The following KIF27 variants were observed in gnomAD, a reference collection of about 807,000 sequenced individuals.
The protein encoded by KIF27 is kinesin family member 27.
In KIF27, 84 loss-of-function variants were observed where a neutral mutation model predicts 141.8. That is an observed-to-expected ratio of 0.59 (90% CI 0.50 to 0.71). KIF27 has a LOEUF of 0.71. KIF27 is among the 30% of genes least tolerant of loss of function. The probability of loss-of-function intolerance (pLI) is 0.00; values close to 1 mark genes in which losing one functional copy is unlikely to be tolerated. For missense variants in KIF27, 1,306 were observed against 1,628.4 expected, an observed-to-expected ratio of 0.80 and a Z score of 3.41; for synonymous variants, 471 against 569.5, an observed-to-expected ratio of 0.83 and a Z score of 2.46.
chr9:83,910,920 A>G (rs1239068633), intron 2 of KIF27, among the ~76,000 whole-genome samples: 1 of 152,004 alleles, frequency 6.6e-6, no homozygotes, highest in Non-Finnish European at 1.5e-5. Context: ...AATGTCCATC[A>G]AAAGAAGAAT....
At chr9:83,851,519 G>GA (rs938487668) in intron 15 of KIF27, among the ~76,000 whole-genome samples, 1 of 152,102 alleles carries the variant, frequency 6.6e-6, no homozygotes, top group African/African-American at 2.4e-5. Flanking sequence ...GCCTGGCTAA[G>GA]TTTTTTAAAA....
chr9:83,909,608 T>C (rs1443309041), intron 2 of KIF27, among the ~76,000 whole-genome samples: 1 of 126,548 alleles, frequency 7.9e-6, no homozygotes, highest in Non-Finnish European at 1.6e-5. Context: ...AGGGAAACTG[T>C]CTCAAAAAAA....
chr9:83,891,072 G>A (rs2483200), intron 6 of KIF27, among the ~76,000 whole-genome samples: 2 of 152,098 alleles, frequency 1.3e-5, no homozygotes, highest in African/African-American at 2.4e-5. Context: ...GAAGAAGTAT[G>A]GACATTATCT....
chr9:83,852,946 A>G (rs1272320117), intron 15 of KIF27, among the ~76,000 whole-genome samples: 1 of 152,162 alleles, frequency 6.6e-6, no homozygotes, highest in African/African-American at 2.4e-5. Context: ...ATTTTTCATT[A>G]ATTGTCTGAT....
chr9:83,903,477 T>C lies in KIF27; in HGVS notation c.1041A>G (p.Val347=). The part of the protein sequence containing the change: ...RARNIRNKPT[V]NFSPESDRID... The stretch of plus-strand genomic sequence containing the variant: ...TACGGTCTGACTCGGGGCTGAAGTT[T>C]ACAGTGGGTTTGTTTCTAATGTTCC... Residue 347 remains valine (V), a synonymous_variant, in exon 4 of 18, where the codon GTA becomes GTG. Transcript: ENST00000297814. The C allele has an allele frequency of 6.2e-7, 1 of 1,614,180 alleles. No homozygotes were observed.
chr9:83,912,818 G>A (rs1003257497), intron 2 of KIF27, among the ~76,000 whole-genome samples: 25 of 151,960 alleles, frequency 1.6e-4, no homozygotes, highest in Non-Finnish European at 2.6e-4. Context: ...TAATTCCAAC[G>A]TTCTGAAAAG....
chr9:83,867,664 T>C lies in KIF27; in HGVS notation c.2934+20A>G, dbSNP rs775460692. On this transcript the variant is annotated intron_variant, in intron 13 of 17. Coordinates refer to ENST00000297814, the MANE Select transcript of KIF27 (RefSeq NM_017576.4). The stretch of plus-strand genomic sequence containing the variant: ...GGAGTGGTTTACAACCAGAATCAAG[T>C]AGTGTATTAAACAGAATACCTGACT... 2 of 1,576,184 alleles carry C rather than the reference T, an allele frequency of 1.3e-6. No homozygotes were observed. The highest frequency in any genetic ancestry group is 3.9e-5 in the Admixed American group (2 of 51,744).
Position 83,883,748 on chromosome 9 carries a change from A to G in KIF27, c.2445+65T>C, listed in dbSNP as rs927325188. ...CTGAATCCCACTTCTTTCCTAACTCAGTACAAGAATCCTCAGAAGCAAGAA... is the reference window on the plus strand; with the variant it reads ...CTGAATCCCACTTCTTTCCTAACTCGGTACAAGAATCCTCAGAAGCAAGAA... On this transcript the variant is annotated intron_variant, in intron 10 of 17. Coordinates refer to ENST00000297814, the MANE Select transcript of KIF27 (RefSeq NM_017576.4). The G allele has an allele frequency of 1.4e-5, 15 of 1,092,728 alleles. No individual in the cohort carries two copies. In the African/African-American group the frequency reaches 2.2e-4, roughly 16 times the overall value. The allele number at this position is 1,092,728 out of a possible 1,614,324, so 67.7% of individuals were successfully genotyped here.
At chr9:83,906,452 A>G (rs2132635931) in intron 3 of KIF27, among the ~76,000 whole-genome samples, 1 of 152,194 alleles carries the variant, frequency 6.6e-6, no homozygotes, top group East Asian at 1.9e-4. Flanking sequence ...GAAGACATCC[A>G]AGAATAGGCC....
rs568981287 is a variant in KIF27 at position 83,902,558 on chromosome 9, T to G, written c.1458+502A>C. On this transcript the variant is annotated intron_variant, in intron 4 of 17. Coordinates refer to ENST00000297814, the MANE Select transcript of KIF27 (RefSeq NM_017576.4). ...ATTAATAAATATGCTAATTTGTTGG[T>G]TTTTTTTAAAACCTATACTCCAAAC... Among the ~76,000 whole-genome samples the G allele has an allele frequency of 4.3e-4, 65 of 152,186 alleles. 1 individual carries two copies. The South Asian group carries it at 8.1e-3, about 19-fold the overall frequency.
At chr9:83,921,302 A>C (rs1013716226) in intron 1 of KIF27, 69 bp downstream of exon 1, 2 of 137,476 alleles carry the variant, frequency 1.5e-5, no homozygotes, top group Admixed American at 7.2e-5. Flanking sequence ...GGCGGGCTGG[A>C]GGGCGGGCAC....
chr9:83,901,383 T>G lies in KIF27; in HGVS notation c.1459-1579A>C, dbSNP rs1165177821. Among the ~76,000 whole-genome samples the G allele has an allele frequency of 5.3e-5, 8 of 152,292 alleles. No homozygotes were observed. The East Asian group carries it at 1.5e-3, about 29-fold the overall frequency. ...TAATAGGAAAGAAGAACATCCACAA[T>G]TATCTGAAAAAATCAGTGAAATACT... On this transcript the variant is annotated intron_variant, in intron 4 of 17. Transcript: ENST00000297814.
chr9:83,895,838 A>G (rs1953163540), intron 5 of KIF27, among the ~76,000 whole-genome samples: 1 of 152,082 alleles, frequency 6.6e-6, no homozygotes, highest in Non-Finnish European at 1.5e-5. Flanking sequence ...CAGGTAGATC[A>G]TTTGAGGTCA....
chr9:83,847,616 G>A (rs1947458891), intron 16 of KIF27: 1 of 152,300 alleles, frequency 6.6e-6, no homozygotes, highest in Non-Finnish European at 1.5e-5. Context: ...TATTGATCCT[G>A]GGTGTGTCTG....
At chr9:83,886,228 C>A (rs933676268) in intron 9 of KIF27, among the ~76,000 whole-genome samples, 1 of 152,124 alleles carries the variant, frequency 6.6e-6, no homozygotes, top group Non-Finnish European at 1.5e-5. Flanking sequence ...CCAATAGAAT[C>A]AATGACTTTC....
chr9:83,886,748 C>T (rs1313877213), intron 9 of KIF27, among the ~76,000 whole-genome samples: 1 of 151,812 alleles, frequency 6.6e-6, no homozygotes, highest in Non-Finnish European at 1.5e-5. Context: ...AGAGTGAGAC[C>T]CTGTTTCAAA....
At position 83,869,855 on chromosome 9, in the gene KIF27, T is replaced by G. The variant is rs1265619576; in HGVS notation, c.2757+664A>C. Among the ~76,000 whole-genome samples the G allele has an allele frequency of 2.0e-5, 3 of 152,204 alleles. No individual in the cohort carries two copies. The East Asian group carries it at 5.8e-4, about 29-fold the overall frequency. ...TACCAAAATAAGAATATATTGATTC[T>G]GCTGAGAGCAAGAAAAAACAAAAAA... On this transcript the variant is annotated intron_variant, in intron 12 of 17. Transcript: ENST00000297814.
intron 3 of KIF27, among the ~76,000 whole-genome samples, chr9:83,908,102 A>C (rs1954751613): frequency 6.6e-6 from 1 of 152,092 alleles, no homozygotes; most frequent in African/African-American, 2.4e-5. Context: ...TCTCTACTAA[A>C]AATACAAAAA....
chr9:83,896,072 A>C (rs1195575352), intron 5 of KIF27, among the ~76,000 whole-genome samples: 3 of 138,512 alleles, frequency 2.2e-5, no homozygotes, highest in Non-Finnish European at 3.1e-5. Flanking sequence ...AAAAAAAAAA[A>C]AAACAAAACA....
Sources: allele counts gnomAD v4.1 joint callset (sites outside exome capture counted in the v4.1 genomes callset), GRCh38; gene constraint gnomAD v4.1.1; transcripts MANE v1.5; gene names NCBI Gene and HGNC (gene_info 2026-07-23, HGNC 2026-07-21).